Variants in EFR3B observed in about 807,000 individuals in gnomAD.
EFR3B encodes protein EFR3 homolog B.
Under a neutral mutation model 104.7 loss-of-function variants are expected in EFR3B, and 64 were observed. That is an observed-to-expected ratio of 0.61 (90% CI 0.50 to 0.75). The LOEUF is 0.75. Ranked by LOEUF, EFR3B falls within the 30% of genes least tolerant of loss-of-function variation. The pLI is 0.00. For synonymous variants in EFR3B, 385 were observed against 417.9 expected, an observed-to-expected ratio of 0.92 and a Z score of 0.96; for missense variants, 750 against 1,078.5, an observed-to-expected ratio of 0.70 and a Z score of 4.27.
chr2:25,063,503 G>A (rs1012668634), intron 1 of EFR3B, among the ~76,000 whole-genome samples: 6 of 152,118 alleles, frequency 3.9e-5, no homozygotes, highest in Admixed American at 2.6e-4. Context: ...CCCTGTAGTC[G>A]GACAGCCCTG....
intron 1 of EFR3B, chr2:25,079,991 C>T: frequency 1.9e-6 from 2 of 1,027,568 alleles, no homozygotes; most frequent in Non-Finnish European, 1.5e-6. Context: ...TAGCAGTTTC[C>T]TCCAAGTCGT....
chr2:25,053,011 A>G (rs922992979), intron 1 of EFR3B, among the ~76,000 whole-genome samples: 18 of 152,178 alleles, frequency 1.2e-4, no homozygotes, highest in Non-Finnish European at 2.5e-4. Context: ...GAACCTCAGC[A>G]TTCCAGCTCC....
intron 5 of EFR3B, among the ~76,000 whole-genome samples, chr2:25,125,642 C>T (rs1670141567): frequency 6.6e-6 from 1 of 152,162 alleles, no homozygotes; most frequent in Non-Finnish European, 1.5e-5. Flanking sequence ...AGCACCCTGG[C>T]AACCCCAGTT....
intron 4 of EFR3B, among the ~76,000 whole-genome samples, chr2:25,118,122 G>A (rs1299871153): frequency 6.6e-6 from 1 of 152,154 alleles, no homozygotes; most frequent in African/African-American, 2.4e-5. Flanking sequence ...TGGGATTACA[G>A]GCGCGTACCG....
At chr2:25,123,264 G>A (rs1051360297) in intron 5 of EFR3B, among the ~76,000 whole-genome samples, 3 of 151,838 alleles carry the variant, frequency 2.0e-5, no homozygotes, top group African/African-American at 7.3e-5. Flanking sequence ...GGAGGCAGAG[G>A]TGGGAGGATC....
chr2:25,131,384 T>C lies in EFR3B; in HGVS notation c.866T>C (p.Leu289Pro). 2 of 1,550,866 alleles carry C rather than the reference T, an allele frequency of 1.3e-6. No individual in the cohort carries two copies. Among genetic ancestry groups the C allele is most frequent in the Non-Finnish European group, 1.7e-6 (2 of 1,146,806 alleles). ...CTCCCGCAGCCGCAGCACTCACACC[T>C]GGTCATCCAGCAGCTCCTGGGCCAC... ...MYSIQPQHSH[L>P]VIQQLLGHLD... Residue 289 changes from leucine to proline, a missense_variant, in exon 9 of 23, where the codon CTG becomes CCG. Leu to Pro is a moderately conservative substitution (Grantham distance 98). Coordinates refer to ENST00000403714, the MANE Select transcript of EFR3B (RefSeq NM_014971.2). The surrounding 1 kb of genome is among the most constrained non-coding windows in gnomAD (Gnocchi z 7.6).
chr2:25,042,433 G>C lies in EFR3B; in HGVS notation c.7+114G>C. On this transcript the variant is annotated intron_variant, in intron 1 of 22. Coordinates refer to ENST00000403714, the MANE Select transcript of EFR3B (RefSeq NM_014971.2). The surrounding 1 kb of genome is among the most constrained non-coding windows in gnomAD (Gnocchi z 5.4). ...TGGCGCGGGGCCAGGCCGCTGACCT[G>C]GTGCCCGGCGGGGCTGTTGCGGTCG... 5.8e-6 allele frequency: 7 copies of C among 1,215,624 alleles called. No homozygotes were observed. Among genetic ancestry groups the C allele is most frequent in the Non-Finnish European group, 7.2e-6 (7 of 977,538 alleles). The allele number at this position is 1,215,624 out of a possible 1,614,324, so 75.3% of individuals were successfully genotyped here.
chr2:25,117,598 A>G (rs913734347), intron 4 of EFR3B, among the ~76,000 whole-genome samples: 37 of 151,896 alleles, frequency 2.4e-4, no homozygotes, highest in Non-Finnish European at 4.4e-4. Flanking sequence ...TTTTTAGTGG[A>G]GATGGGGTTT....
At chr2:25,075,902 A>G (rs1668621927) in intron 1 of EFR3B, among the ~76,000 whole-genome samples, 1 of 152,158 alleles carries the variant, frequency 6.6e-6, no homozygotes, top group Non-Finnish European at 1.5e-5. Flanking sequence ...GTCCTCGGGT[A>G]GGGTCTCACT....
rs533237572 is a variant in EFR3B at position 25,114,369 on chromosome 2, C to T, written c.364-7304C>T. ...CTCAGGGAAGGGAAGCATCTCCCCACAAGCTGTCAAACCAAGGGATCCTAA... is the reference window on the plus strand; with the variant it reads ...CTCAGGGAAGGGAAGCATCTCCCCATAAGCTGTCAAACCAAGGGATCCTAA... On this transcript the variant is annotated intron_variant, in intron 4 of 22. Transcript: ENST00000403714. The surrounding 1 kb of genome is among the most constrained non-coding windows in gnomAD (Gnocchi z 4.0). 7.2e-5 allele frequency among the ~76,000 whole-genome samples: 11 copies of T among 152,304 alleles called. No individual in the cohort carries two copies. The South Asian group carries it at 2.3e-3, about 32-fold the overall frequency.
chr2:25,131,535 G>T lies in EFR3B; in HGVS notation c.985+32G>T. On this transcript the variant is annotated intron_variant, in intron 9 of 22. Transcript: ENST00000403714. The surrounding 1 kb of genome is among the most constrained non-coding windows in gnomAD (Gnocchi z 7.6). ...GGCATGGCTAGGGCCTGAGGGCCGG[G>T]GACCCCGCGGAGGCTGCCGCCTCTT... The T allele has an allele frequency of 1.3e-6, 2 of 1,545,146 alleles. No individual in the cohort carries two copies. The highest frequency in any genetic ancestry group is 8.7e-7 in the Non-Finnish European group (1 of 1,144,704).
chr2:25,077,125 A>G (rs1668651082), intron 1 of EFR3B, among the ~76,000 whole-genome samples: 1 of 152,242 alleles, frequency 6.6e-6, no homozygotes. Flanking sequence ...TAGCACCAAT[A>G]AAACAAAACC....
intron 1 of EFR3B, among the ~76,000 whole-genome samples, chr2:25,064,969 GGT>G (rs1268919099): frequency 6.6e-6 from 1 of 152,112 alleles, no homozygotes; most frequent in Non-Finnish European, 1.5e-5. Flanking sequence ...ACTGAAGCCA[GGT>G]GTCAGGACCA....
intron 1 of EFR3B, among the ~76,000 whole-genome samples, chr2:25,060,786 T>G (rs1471648451): frequency 6.6e-6 from 1 of 151,776 alleles, no homozygotes; most frequent in Non-Finnish European, 1.5e-5. Context: ...CCGGGCATGG[T>G]GGCGGGTGCC....
In EFR3B at chr2:25,121,691, A is replaced by T; in HGVS notation, c.382A>T (p.Ile128Phe). The T allele has an allele frequency of 6.4e-7, 1 of 1,551,708 alleles. No homozygotes were observed. The highest frequency in any genetic ancestry group is 8.7e-7 in the Non-Finnish European group (1 of 1,147,000). Residue 128 changes from isoleucine (I) to phenylalanine (F), a missense_variant, in exon 5 of 23, where the codon ATC becomes TTC. By Grantham distance (21) the Ile-to-Phe change is conservative. Coordinates refer to ENST00000403714, the MANE Select transcript of EFR3B (RefSeq NM_014971.2). ...CTGATAGTTTGTGAAGTTTGCCAAC[A>T]TCGAGGAGGACACCCCGTCCTATCA... ...GTNSFVKFANIEEDTPSYHRS... is the reference protein window; with the variant it reads ...GTNSFVKFANFEEDTPSYHRS...
At chr2:25,047,842 T>C (rs922179654) in intron 1 of EFR3B, among the ~76,000 whole-genome samples, 8 of 152,070 alleles carry the variant, frequency 5.3e-5, no homozygotes, top group Non-Finnish European at 7.4e-5. Context: ...AAATAAAAAT[T>C]TATGTTCCAT....
chr2:25,150,319 A>T lies in EFR3B; in HGVS notation c.2191+577A>T, dbSNP rs186103417. 8.9e-3 allele frequency among the ~76,000 whole-genome samples: 1,327 copies of T among 149,282 alleles called. 7 individuals carry two copies. The highest frequency in any genetic ancestry group is 0.012 in the Non-Finnish European group (836 of 67,628). Reference sequence around the variant, plus strand: ...CCATCTCAAAAAAAAAAAAAAAAAAAGGCAATCAGTTGATGGCTATAGGTA... The same window carrying T: ...CCATCTCAAAAAAAAAAAAAAAAAATGGCAATCAGTTGATGGCTATAGGTA... On this transcript the variant is annotated intron_variant, in intron 20 of 22. Transcript: ENST00000403714.
chr2:25,077,430 G>A (rs902981456), intron 1 of EFR3B, among the ~76,000 whole-genome samples: 4 of 152,150 alleles, frequency 2.6e-5, no homozygotes, highest in East Asian at 1.9e-4. Context: ...TGGGATTATA[G>A]GCACCCGCCA....
chr2:25,098,544 AG>A (rs1179381294), intron 3 of EFR3B, among the ~76,000 whole-genome samples: 3 of 152,212 alleles, frequency 2.0e-5, no homozygotes, highest in African/African-American at 7.2e-5. Context: ...GTAACAGATT[AG>A]ACACACTCGA....
Sources: gnomAD v4.1 joint callset for allele counts (sites outside exome capture counted in the v4.1 genomes callset) on GRCh38, gnomAD v4.1.1 for gene constraint, Gnocchi (gnomAD v3.1) non-coding constraint, MANE v1.5 for transcripts, NCBI Gene and HGNC (gene_info 2026-07-23, HGNC 2026-07-21) for gene names.